The following TP53BP1 variants were observed in gnomAD, a reference collection of about 807,000 sequenced individuals.
TP53BP1 encodes the protein tumor protein p53 binding protein 1, also known as TP53-binding protein 1.
A neutral mutation model predicts 200.8 loss-of-function variants in TP53BP1; 61 were observed. The ratio of observed to expected loss-of-function variants is 0.30; its 90% CI spans 0.25 to 0.38. TP53BP1 has a LOEUF of 0.38. Ranked by LOEUF, TP53BP1 falls within the 10% of genes least tolerant of loss-of-function variation. TP53BP1 has a pLI of 1.00. For synonymous variants in TP53BP1, 822 were observed against 844.3 expected (o/e 0.97, Z 0.46); for missense variants, 2,144 against 2,371.9 (o/e 0.90, Z 2.00).
chr15:43,509,970 C>T (rs982466335), intron 1 of TP53BP1, among the ~76,000 whole-genome samples: 1 of 152,158 alleles, frequency 6.6e-6, no homozygotes. Flanking sequence ...TAAAAGACTA[C>T]TCTGGAGTGT....
rs2045371331 is a variant in TP53BP1, at chr15:43,420,588, G to A, written c.4398C>T (p.Asp1466=). ...DVGAGALRRS[D]SPEIPFQAAA... is the part of the protein sequence containing the mutation. ...CAGCCTGGAAAGGAATTTCTGGAGAGTCACTACGACGCAAAGCACCAGCAC... is the reference window on the plus strand; with the variant it reads ...CAGCCTGGAAAGGAATTTCTGGAGAATCACTACGACGCAAAGCACCAGCAC... Residue 1466 remains aspartate (D), a synonymous_variant, in exon 21 of 28, where the codon GAC becomes GAT. Coordinates refer to ENST00000382044, the MANE Select transcript of TP53BP1 (RefSeq NM_001141980.3). 6.2e-7 allele frequency: 1 copy of A among 1,614,040 alleles called. No homozygotes were observed. Among genetic ancestry groups the A allele is most frequent in the African/African-American group, 1.3e-5 (1 of 74,924 alleles).
chr15:43,493,603 T>C (rs138007374), upstream of TP53BP1, among the ~76,000 whole-genome samples: 148 of 152,146 alleles, frequency 9.7e-4, no homozygotes, highest in African/African-American at 3.5e-3. Flanking sequence ...CAGAAGAGAC[T>C]CTTTCTTCTT....
At chr15:43,465,416 T>C (rs970606863) in intron 11 of TP53BP1, among the ~76,000 whole-genome samples, 2 of 152,088 alleles carry the variant, frequency 1.3e-5, no homozygotes, top group African/African-American at 2.4e-5. Context: ...GCCACTGTTT[T>C]TTTAATGATT....
rs1200497948 is a variant in TP53BP1, at chr15:43,441,136, G to A, written c.3098+390C>T. 3 of 163,672 alleles carry A rather than the reference G, an allele frequency of 1.8e-5. No homozygotes were observed. The Admixed American group carries it at 1.9e-4, about 10-fold the overall frequency. 10.1% of individuals were successfully genotyped at this position (163,672 alleles called of 1,614,324 possible). On this transcript the variant is annotated intron_variant, in intron 15 of 27. Coordinates refer to ENST00000382044, the MANE Select transcript of TP53BP1 (RefSeq NM_001141980.3). ...TGGCAGGCAGAAGAGAAAATGACCT[G>A]AGGCTGCAGCTGAGTATGCGATTGC... is the stretch of plus-strand genomic sequence containing the variant.
At chr15:43,422,514 G>A (rs1347591987) in intron 18 of TP53BP1, among the ~76,000 whole-genome samples, 1 of 152,148 alleles carries the variant, frequency 6.6e-6, no homozygotes, top group South Asian at 2.1e-4. Flanking sequence ...TAACCTAGAC[G>A]ACAGAAGTAA....
At chr15:43,457,986 T>A (rs1410087975) in intron 11 of TP53BP1, among the ~76,000 whole-genome samples, 1 of 151,914 alleles carries the variant, frequency 6.6e-6, no homozygotes, top group Non-Finnish European at 1.5e-5. Context: ...GTCATTGCAC[T>A]CCAGTCTGGA....
At chr15:43,498,217 A>T (rs904971846) in intron 1 of TP53BP1, among the ~76,000 whole-genome samples, 1 of 152,362 alleles carries the variant, frequency 6.6e-6, no homozygotes, top group African/African-American at 2.4e-5. Context: ...GCTAAAACTC[A>T]TAATATGGTG....
At chr15:43,409,138 G>C (rs1051308652) in intron 25 of TP53BP1, 42 bp from the exon 26 acceptor site, 1 of 1,587,426 alleles carries the variant, frequency 6.3e-7, no homozygotes, top group Admixed American at 1.7e-5. Context: ...GGTGACTTCT[G>C]TGGAAAGCTC....
intron 17 of TP53BP1, among the ~76,000 whole-genome samples, chr15:43,428,855 T>A (rs1043476658): frequency 2.6e-5 from 4 of 152,198 alleles, no homozygotes; most frequent in African/African-American, 9.6e-5. Flanking sequence ...ATGATAACTA[T>A]TAAATAATAT....
intron 24 of TP53BP1, chr15:43,412,727 C>G (rs2045153401): frequency 2.1e-6 from 1 of 471,890 alleles, no homozygotes; most frequent in Non-Finnish European, 4.4e-6. Context: ...GGGAAGATGG[C>G]AGGGCATTCA....
chr15:43,447,564 T>C (rs2046073245), intron 12 of TP53BP1, 79 bp from the exon 13 acceptor site: 1 of 1,231,168 alleles, frequency 8.1e-7, no homozygotes. Flanking sequence ...TAAGCAAAAA[T>C]AATAAGAACT....
Position 43,447,438 on chromosome 15 carries a change from G to A in TP53BP1, c.2764C>T (p.Pro922Ser). The A allele has an allele frequency of 1.3e-6, 2 of 1,587,258 alleles. No individual in the cohort carries two copies. The highest frequency in any genetic ancestry group is 1.7e-6 in the Non-Finnish European group (2 of 1,170,404). Residue 922 changes from proline to serine, a missense_variant, in exon 13 of 28, where the codon CCA (proline) becomes TCA (serine). By Grantham distance (74) the Pro-to-Ser change is moderately conservative. This residue lies in a region of TP53BP1 where 1,700 missense variants were observed against 1,710.3 expected (regional missense o/e 0.99). Coordinates refer to ENST00000382044, the MANE Select transcript of TP53BP1 (RefSeq NM_001141980.3). ...AGAGGTGGGGTTGCACCAGTCAATG[G>A]TGGGATGATATCACCTTCTTTAGGC... The part of the protein sequence containing the change: ...TLPKEGDIIP[P>S]LTGATPPLIG...
Position 43,446,608 on chromosome 15 carries a change from G to A in TP53BP1, c.2837-18C>T, listed in dbSNP as rs1261999332. ...GCTAATACCTGAAAGAAGTGAGGCA[G>A]GGAGGAAGAAAAAAAGAACACTAAA... On this transcript the variant is annotated intron_variant, in intron 13 of 27. Transcript: ENST00000382044. The A allele has an allele frequency of 1.2e-6, 2 of 1,602,576 alleles. No individual in the cohort carries two copies. The highest frequency in any genetic ancestry group is 1.7e-5 in the Admixed American group (1 of 58,156).
intron 6 of TP53BP1, 55 bp downstream of exon 6, chr15:43,479,804 C>T: frequency 2.5e-6 from 4 of 1,591,306 alleles, no homozygotes; most frequent in Non-Finnish European, 3.4e-6. Flanking sequence ...AAATAACTAC[C>T]TCTAATATGG....
At chr15:43,431,096 T>C (rs1468096031) in intron 17 of TP53BP1, among the ~76,000 whole-genome samples, 2 of 152,172 alleles carry the variant, frequency 1.3e-5, no homozygotes, top group African/African-American at 4.8e-5. Flanking sequence ...ATATATAGCA[T>C]ATGGATATGC....
At chr15:43,450,180 A>G (rs112109957) in intron 12 of TP53BP1, among the ~76,000 whole-genome samples, 91 of 152,324 alleles carry the variant, frequency 6.0e-4, no homozygotes, top group African/African-American at 2.1e-3. Context: ...TAATTTTGAA[A>G]CCACCTGAGT....
chr15:43,432,625 A>T lies in TP53BP1; in HGVS notation c.3244T>A (p.Leu1082Met), dbSNP rs142987994. ...SSQGEEEKEK[L>M]EGDHTIRQSQ... ...TGCCTGATTGTATGGTCACCCTCCA[A>T]TTTTTCTTTCTCCTCTTCTCCTTGA... The change falls in exon 17 of 28, where the codon TTG (leucine) becomes ATG (methionine). Residue 1082 changes from leucine to methionine, a missense_variant. Leu to Met is a conservative substitution (Grantham distance 15). This residue lies in a region of TP53BP1 where 1,700 missense variants were observed against 1,710.3 expected (regional missense o/e 0.99). Coordinates refer to ENST00000382044, the MANE Select transcript of TP53BP1 (RefSeq NM_001141980.3). 3.5e-5 allele frequency: 56 copies of T among 1,610,724 alleles called. No homozygotes were observed. The African/African-American group carries it at 6.9e-4, about 20-fold the overall frequency.
chr15:43,438,123 T>C (rs1189396389), intron 16 of TP53BP1, among the ~76,000 whole-genome samples: 1 of 152,254 alleles, frequency 6.6e-6, no homozygotes, highest in Non-Finnish European at 1.5e-5. Flanking sequence ...CACGACCTAA[T>C]TACCTCTTTT....
rs907279022 is a variant in TP53BP1, at chr15:43,406,315, C to T, written c.*1068G>A. The T allele has an allele frequency of 7.9e-6, 2 of 252,000 alleles. No homozygotes were observed. The highest frequency in any genetic ancestry group is 2.3e-5 in the African/African-American group (1 of 44,184). The allele number at this position is 252,000 out of a possible 1,614,324, so 15.6% of individuals were successfully genotyped here. A position where few individuals can be genotyped will look rare whatever the true frequency, so the allele number is the denominator to read the frequency against. On this transcript the variant is annotated 3_prime_UTR_variant, in exon 28 of 28. Transcript: ENST00000382044. Reference sequence around the variant, plus strand: ...TTCTGGCATCAGGTTATAGTCACTGCATCTGGTTTTCATCACTACATATTC... The same window carrying T: ...TTCTGGCATCAGGTTATAGTCACTGTATCTGGTTTTCATCACTACATATTC...
Sources: gnomAD v4.1 joint callset for allele counts (sites outside exome capture counted in the v4.1 genomes callset) on GRCh38, gnomAD v4.1.1 for gene constraint, gnomAD v4.1.1 regional missense constraint, MANE v1.5 for transcripts, NCBI Gene and HGNC (gene_info 2026-07-23, HGNC 2026-07-21) for gene names.